The following PHLPP2 variants were observed in gnomAD, a reference collection of about 807,000 sequenced individuals.
PHLPP2 encodes the protein PH domain leucine-rich repeat-containing protein phosphatase 2.
Under a neutral mutation model 124.9 loss-of-function variants are expected in PHLPP2, and 66 were observed. That is an observed-to-expected ratio of 0.53 (90% CI 0.43 to 0.65). The LOEUF (loss-of-function observed/expected upper bound fraction) is 0.65, where lower values mean the gene tolerates loss of function less well. Among genes scored for constraint, PHLPP2 ranks in the 30% least tolerant of loss-of-function variants. The pLI, the probability that PHLPP2 is intolerant of heterozygous loss-of-function variation, is 0.00. For synonymous variants in PHLPP2, 681 were observed against 624.7 expected (o/e 1.09, Z -1.34); for missense variants, 1,685 against 1,600.4 (o/e 1.05, Z -0.90).
At chr16:71,669,176 C>T in intron 11 of PHLPP2, 99 bp downstream of exon 11, 1 of 737,874 alleles carries the variant, frequency 1.4e-6, no homozygotes, top group East Asian at 2.5e-5. Flanking sequence ...ACTCAACACA[C>T]TGAACAAATA....
chr16:71,669,092 T>C (rs180689085), intron 11 of PHLPP2, among the ~76,000 whole-genome samples, 183 bp downstream of exon 11: 1 of 152,218 alleles, frequency 6.6e-6, no homozygotes, highest in Admixed American at 6.5e-5. Context: ...ATTAAGTTCC[T>C]TGCAAGCCAA....
chr16:71,675,819 G>C (rs2044940602), intron 9 of PHLPP2, among the ~76,000 whole-genome samples: 1 of 152,228 alleles, frequency 6.6e-6, no homozygotes, highest in African/African-American at 2.4e-5. Context: ...TGCCTTCCAG[G>C]CTCAAGTGAT....
At chr16:71,719,242 A>C (rs935991432) in intron 1 of PHLPP2, among the ~76,000 whole-genome samples, 1 of 152,194 alleles carries the variant, frequency 6.6e-6, no homozygotes, top group African/African-American at 2.4e-5. Flanking sequence ...TTTAGATTTA[A>C]AGATCTTTCT....
intron 10 of PHLPP2, 129 bp from the exon 11 acceptor site, chr16:71,669,499 C>A: frequency 1.6e-6 from 1 of 633,302 alleles, no homozygotes; most frequent in Non-Finnish European, 2.8e-6. Context: ...CAAGGCATCC[C>A]TTGGAACACT....
chr16:71,691,888 G>A (rs2045117116), intron 3 of PHLPP2, among the ~76,000 whole-genome samples: 1 of 151,806 alleles, frequency 6.6e-6, no homozygotes, highest in Non-Finnish European at 1.5e-5. Context: ...TTGAGCCCAG[G>A]AGTTCAAGGC....
At position 71,647,403 on chromosome 16, in the gene PHLPP2, A is replaced by G. The variant is rs983426185; in HGVS notation, c.*1487T>C. The G allele has an allele frequency of 2.6e-5, 4 of 152,626 alleles. No individual in the cohort carries two copies. Among genetic ancestry groups the G allele is most frequent in the African/African-American group, 9.6e-5 (4 of 41,456 alleles). The allele number at this position is 152,626 out of a possible 1,614,324, so 9.5% of individuals were successfully genotyped here. On this transcript the variant is annotated 3_prime_UTR_variant, in exon 19 of 19. Coordinates refer to ENST00000568954, the MANE Select transcript of PHLPP2 (RefSeq NM_015020.3). ...CAGTATTCTGAAACCACATAAAGTG[A>G]ATATGCAGTTTTCAGAAGAGTACAC...
intron 13 of PHLPP2, 49 bp downstream of exon 13, chr16:71,663,850 A>G: frequency 1.5e-6 from 2 of 1,378,114 alleles, no homozygotes; most frequent in Non-Finnish European, 2.1e-6. Context: ...TGACAAATAT[A>G]GAATTAATGT....
intron 3 of PHLPP2, among the ~76,000 whole-genome samples, chr16:71,697,323 G>A (rs2045182636): frequency 6.6e-6 from 1 of 152,090 alleles, no homozygotes; most frequent in Non-Finnish European, 1.5e-5. Flanking sequence ...GCCCTGAGAA[G>A]CACACACTGG....
chr16:71,674,895 G>T (rs1189692532), intron 9 of PHLPP2, among the ~76,000 whole-genome samples: 1 of 152,202 alleles, frequency 6.6e-6, no homozygotes, highest in Non-Finnish European at 1.5e-5. Context: ...TACTCAGGAG[G>T]CTAAGAGAAG....
chr16:71,660,259 C>T, intron 13 of PHLPP2, among the ~76,000 whole-genome samples: 1 of 151,036 alleles, frequency 6.6e-6, no homozygotes, highest in Non-Finnish European at 1.5e-5. Context: ...ACTTGTAATC[C>T]CAGTACTTTC....
chr16:71,696,014 T>G (rs1487182606), intron 3 of PHLPP2, among the ~76,000 whole-genome samples: 1 of 152,170 alleles, frequency 6.6e-6, no homozygotes, highest in East Asian at 1.9e-4. Context: ...ATATTACACT[T>G]GTGTAGTTAA....
At position 71,723,106 on chromosome 16, in the gene PHLPP2, C is replaced by T. The variant is rs938742046; in HGVS notation, c.-7+1223G>A. On this transcript the variant is annotated intron_variant, in intron 1 of 18. Transcript: ENST00000568954. ...CCCGCTCCCGGGAGCAGGAATGCCC[C>T]TTTCGGCCCGGCCCCTCCTCCCTTC... The T allele has an allele frequency of 2.6e-5, 4 of 152,432 alleles. No individual in the cohort carries two copies. The South Asian group carries it at 6.2e-4, about 24-fold the overall frequency. The allele number at this position is 152,432 out of a possible 1,614,324, so 9.4% of individuals were successfully genotyped here.
rs569703138 is a variant in PHLPP2, at chr16:71,652,963, G to C, written c.2644C>G (p.Pro882Ala). Reference sequence around the variant, plus strand: ...CTACTTGCTGGATCGGCAGTGTCAGGGCGGATGTAGCACAGGAGAGCGGAG... The same window carrying C: ...CTACTTGCTGGATCGGCAGTGTCAGCGCGGATGTAGCACAGGAGAGCGGAG... ...GSSALLCYIR[P>A]DTADPASSFS... Residue 882 changes from proline to alanine, a missense_variant, in exon 18 of 19, where the codon CCT (proline) becomes GCT (alanine). Physicochemically the swap from Pro to Ala is conservative, Grantham distance 27. Transcript: ENST00000568954. 23 of 1,613,918 alleles carry C rather than the reference G, an allele frequency of 1.4e-5. No individual in the cohort carries two copies. The highest frequency in any genetic ancestry group is 1.9e-5 in the Non-Finnish European group (23 of 1,180,040).
intron 4 of PHLPP2, among the ~76,000 whole-genome samples, chr16:71,688,348 G>C (rs1404876041): frequency 6.6e-6 from 1 of 152,152 alleles, no homozygotes; most frequent in African/African-American, 2.4e-5. Flanking sequence ...CTCTTTGTCT[G>C]ATCTAGAGTT....
At chr16:71,707,947 T>G (rs971671915) in intron 2 of PHLPP2, among the ~76,000 whole-genome samples, 3 of 152,156 alleles carry the variant, frequency 2.0e-5, no homozygotes, top group Non-Finnish European at 2.9e-5. Flanking sequence ...GCAAGCCAGC[T>G]GGTGTCAGAA....
At chr16:71,651,733 G>T (rs2044698139) in intron 18 of PHLPP2, among the ~76,000 whole-genome samples, 2 of 152,032 alleles carry the variant, frequency 1.3e-5, no homozygotes, top group Admixed American at 1.3e-4. Flanking sequence ...GCCCAGAAAT[G>T]GACCCACACA....
chr16:71,648,018 TCATTA>T lies in PHLPP2; in HGVS notation c.*867_*871del, dbSNP rs1462569654. The T allele has an allele frequency of 2.6e-5, 4 of 152,680 alleles. No individual in the cohort carries two copies. Among genetic ancestry groups the T allele is most frequent in the Non-Finnish European group, 5.9e-5 (4 of 68,052 alleles). 9.5% of individuals were successfully genotyped at this position (152,680 alleles called of 1,614,324 possible). On this transcript the variant is annotated 3_prime_UTR_variant, in exon 19 of 19. Transcript: ENST00000568954. ...AGTTCACAGTCAATGAAAAGTGCTC[TCATTA>T]CATTACATACATAAATTATCTGTTT...
chr16:71,667,393 G>T, intron 11 of PHLPP2, 60 bp from the exon 12 acceptor site: 1 of 1,345,480 alleles, frequency 7.4e-7, no homozygotes. Context: ...TCTTTCTGAG[G>T]CTGTCCTAGC....
chr16:71,684,427 A>T, intron 5 of PHLPP2, 49 bp downstream of exon 5: 1 of 1,601,602 alleles, frequency 6.2e-7, no homozygotes, highest in Non-Finnish European at 8.5e-7. Context: ...CGCCCGGCCT[A>T]GGGTTCTCTA....
Sources: gnomAD v4.1 joint callset for allele counts (sites outside exome capture counted in the v4.1 genomes callset) on GRCh38, gnomAD v4.1.1 for gene constraint, MANE v1.5 for transcripts, NCBI Gene and HGNC (gene_info 2026-07-23, HGNC 2026-07-21) for gene names.